SOX6: variants seen among roughly 807,000 people sequenced by gnomAD.
SOX6 encodes the protein transcription factor SOX-6.
A neutral mutation model predicts 97.8 loss-of-function variants in SOX6; 11 were observed. That is an observed-to-expected ratio of 0.11 (90% CI 0.07 to 0.19). The LOEUF is 0.19. SOX6 is among the 10% of genes least tolerant of loss of function. The pLI is 1.00. For missense variants in SOX6, 810 were observed against 1,039.5 expected (o/e 0.78, Z 3.04); for synonymous variants, 360 against 371.4 (o/e 0.97, Z 0.35).
rs540225140 is a variant in SOX6 at position 16,049,800 on chromosome 11, T to G, written c.1390A>C (p.Ile464Leu). The part of the protein sequence containing the change: ...SPVNLPNKSS[I>L]PSPIGGSLGR... ...AGGCTTCCTCCAATGGGGCTAGGGA[T>G]GCTGCTTTTGTTTGGCAGATTGACA... Residue 464 changes from isoleucine (I) to leucine (L), a missense_variant, in exon 11 of 16, where the codon ATC becomes CTC. Transcript: ENST00000683767. The G allele has an allele frequency of 7.4e-6, 12 of 1,613,712 alleles. No homozygotes were observed. The African/African-American group carries it at 1.5e-4, about 20-fold the overall frequency.
intron 1 of SOX6, among the ~76,000 whole-genome samples, chr11:16,352,490 A>G (rs1856975304): frequency 6.6e-6 from 1 of 152,104 alleles, no homozygotes; most frequent in African/African-American, 2.4e-5. Flanking sequence ...AAGGCACAAA[A>G]CTGTTTATTA....
intron 7 of SOX6, among the ~76,000 whole-genome samples, chr11:16,104,320 T>G (rs1849020562): frequency 6.6e-6 from 1 of 151,992 alleles, no homozygotes; most frequent in Non-Finnish European, 1.5e-5. Flanking sequence ...GTCATTTGCA[T>G]AACACCACAT....
At chr11:16,505,434 T>A (rs7117636) in intron 4 of SOX6, among the ~76,000 whole-genome samples, 2 of 152,044 alleles carry the variant, frequency 1.3e-5, no homozygotes, top group East Asian at 3.9e-4. Flanking sequence ...TATGTTTATA[T>A]TCATGAGCAA....
intron 1 of SOX6, among the ~76,000 whole-genome samples, chr11:16,422,706 C>T (rs150677440): frequency 9.3e-4 from 142 of 152,302 alleles, no homozygotes; most frequent in Non-Finnish European, 1.7e-3. Context: ...CTAAATCATG[C>T]ACCCTGCACA....
intron 1 of SOX6, among the ~76,000 whole-genome samples, chr11:16,351,881 C>G (rs957634688): frequency 6.6e-6 from 1 of 151,950 alleles, no homozygotes; most frequent in Admixed American, 6.6e-5. Context: ...TAACCCCAAC[C>G]GCATTACAAA....
chr11:16,118,877 T>C (rs56077417), intron 6 of SOX6, among the ~76,000 whole-genome samples: 3,643 of 152,246 alleles, frequency 0.024, 145 homozygotes, highest in African/African-American at 0.083. Flanking sequence ...CTCTAGAAAA[T>C]AATTCCTTAT....
chr11:16,097,794 A>G, intron 7 of SOX6, 106 bp from the exon 8 acceptor site: 1 of 1,024,228 alleles, frequency 9.8e-7, no homozygotes, highest in East Asian at 2.4e-5. Flanking sequence ...ACATTGCTCT[A>G]AGCCCAAACA....
chr11:16,719,901 G>A (rs1176209042), intron 2 of SOX6, among the ~76,000 whole-genome samples: 1 of 152,082 alleles, frequency 6.6e-6, no homozygotes, highest in Non-Finnish European at 1.5e-5. Flanking sequence ...GAACAAAATT[G>A]TCTCAAAAAA....
chr11:16,002,021 A>C (rs1295840780), intron 13 of SOX6, among the ~76,000 whole-genome samples: 1 of 152,178 alleles, frequency 6.6e-6, no homozygotes, highest in East Asian at 1.9e-4. Flanking sequence ...ATTAATGACT[A>C]ATCAATCCCT....
chr11:16,006,473 AG>A (rs1689704353), intron 13 of SOX6, among the ~76,000 whole-genome samples: 1 of 152,056 alleles, frequency 6.6e-6, no homozygotes, highest in African/African-American at 2.4e-5. Flanking sequence ...GAGAAGACAA[AG>A]ATGAAAAAGA....
chr11:16,391,942 G>A (rs1858198231), intron 1 of SOX6, among the ~76,000 whole-genome samples: 1 of 151,684 alleles, frequency 6.6e-6, no homozygotes, highest in Middle Eastern at 3.4e-3. Flanking sequence ...AATTTCAGTT[G>A]AGAATATTTA....
At chr11:16,583,389 A>G (rs1848048767) in intron 4 of SOX6, among the ~76,000 whole-genome samples, 1 of 151,140 alleles carries the variant, frequency 6.6e-6, no homozygotes, top group Non-Finnish European at 1.5e-5. Context: ...TATTCCTTCT[A>G]TCTAGCTATA....
chr11:16,451,983 A>AAACTAAATAAATAAATAAATAAAT (rs140349010), intron 1 of SOX6, among the ~76,000 whole-genome samples: 12 of 143,864 alleles, frequency 8.3e-5, no homozygotes, highest in African/African-American at 2.9e-4. Flanking sequence ...ACCCTATCTA[A>AAACTAAATAAATAAATAAATAAAT]AAATAAATAA....
intron 4 of SOX6, among the ~76,000 whole-genome samples, chr11:16,561,354 T>C (rs1847812949): frequency 1.3e-5 from 2 of 152,044 alleles, no homozygotes; most frequent in Admixed American, 1.3e-4. Flanking sequence ...TCACCTACTG[T>C]AAATAAACAT....
chr11:16,059,664 G>A (rs199673988), intron 9 of SOX6, among the ~76,000 whole-genome samples: 4 of 152,084 alleles, frequency 2.6e-5, no homozygotes, highest in African/African-American at 9.6e-5. Context: ...AGAAATTAAA[G>A]TTTCATAATT....
At chr11:16,688,508 T>C (rs1179360479) in intron 3 of SOX6, among the ~76,000 whole-genome samples, 1 of 152,212 alleles carries the variant, frequency 6.6e-6, no homozygotes, top group Non-Finnish European at 1.5e-5. Flanking sequence ...TCTATTATTA[T>C]GTTATCAAGA....
chr11:16,358,499 T>C (rs1247188522), upstream of SOX6, among the ~76,000 whole-genome samples: 2 of 152,078 alleles, frequency 1.3e-5, no homozygotes, highest in African/African-American at 4.8e-5. Context: ...GAACACAACA[T>C]GACTAAAATA....
At chr11:16,703,517 T>C (rs1452347991) in intron 3 of SOX6, among the ~76,000 whole-genome samples, 1 of 152,174 alleles carries the variant, frequency 6.6e-6, no homozygotes, top group East Asian at 1.9e-4. Context: ...AGACAGTTTT[T>C]GCTTTTCAGT....
intron 1 of SOX6, among the ~76,000 whole-genome samples, chr11:16,376,758 A>G (rs1397972602): frequency 1.3e-5 from 2 of 152,236 alleles, no homozygotes; most frequent in East Asian, 3.9e-4. Context: ...AATTTCCCCC[A>G]GGCAACTGTT....
Sources: allele counts gnomAD v4.1 joint callset (sites outside exome capture counted in the v4.1 genomes callset), GRCh38; gene constraint gnomAD v4.1.1; transcripts MANE v1.5; gene names NCBI Gene and HGNC (gene_info 2026-07-23, HGNC 2026-07-21).